The following RAD51B variants were observed in gnomAD, a reference collection of about 807,000 sequenced individuals.
RAD51B encodes the protein DNA repair protein RAD51 homolog 2.
In RAD51B, 38 loss-of-function variants were observed where a neutral mutation model predicts 42.2. The observed-to-expected ratio is 0.90, with a 90% CI of 0.70 to 1.18. RAD51B has a LOEUF of 1.18. Among genes scored for constraint, RAD51B ranks in the 50% most tolerant of loss-of-function variants. The probability of loss-of-function intolerance (pLI) is 0.00; values close to 1 mark genes in which losing one functional copy is unlikely to be tolerated. For missense variants in RAD51B, 373 were observed against 400.7 expected (o/e 0.93, Z 0.59); for synonymous variants, 154 against 145.2 (o/e 1.06, Z -0.43).
At chr14:68,101,849 T>C (rs2077295839) in intron 7 of RAD51B, among the ~76,000 whole-genome samples, 1 of 152,238 alleles carries the variant, frequency 6.6e-6, no homozygotes, top group African/African-American at 2.4e-5. Context: ...ACCCGACATT[T>C]CCCTTCTGCA....
intron 10 of RAD51B, among the ~76,000 whole-genome samples, chr14:68,580,653 G>T (rs1890171248): frequency 6.6e-6 from 1 of 152,138 alleles, no homozygotes; most frequent in Admixed American, 6.5e-5. Context: ...TGCCGTCCTA[G>T]GTGCACACGC....
At chr14:68,009,900 G>GA (rs2075655337) in intron 7 of RAD51B, among the ~76,000 whole-genome samples, 1 of 151,808 alleles carries the variant, frequency 6.6e-6, no homozygotes. Flanking sequence ...ATTCTCATAT[G>GA]TAATAAATTA....
intron 9 of RAD51B, among the ~76,000 whole-genome samples, chr14:68,451,877 T>C (rs2085564687): frequency 6.6e-6 from 1 of 152,214 alleles, no homozygotes; most frequent in African/African-American, 2.4e-5. Context: ...TGGGTTCCTG[T>C]GAGACTAAAG....
At chr14:68,268,162 A>G (rs2081029988) in intron 7 of RAD51B, among the ~76,000 whole-genome samples, 1 of 152,268 alleles carries the variant, frequency 6.6e-6, no homozygotes, top group Admixed American at 6.5e-5. Context: ...TTGTCCTACC[A>G]TTCTGGGAAC....
intron 10 of RAD51B, among the ~76,000 whole-genome samples, chr14:68,601,249 T>G (rs1595015944): frequency 6.6e-6 from 1 of 150,900 alleles, no homozygotes; most frequent in Non-Finnish European, 1.5e-5. Context: ...GGTGGGGGGG[T>G]GGGTCCTGGC....
intron 9 of RAD51B, among the ~76,000 whole-genome samples, chr14:68,425,939 T>C (rs924927467): frequency 1.4e-5 from 1 of 69,134 alleles, no homozygotes; most frequent in South Asian, 5.3e-4. Flanking sequence ...CCATTCTTTT[T>C]CTTTCTTTCT....
chr14:68,612,972 G>C (rs1233257416), downstream of RAD51B, among the ~76,000 whole-genome samples: 2 of 152,038 alleles, frequency 1.3e-5, no homozygotes, highest in Non-Finnish European at 1.5e-5. Context: ...AGAGAGGTGT[G>C]TTTGTGTGTG....
intron 9 of RAD51B, among the ~76,000 whole-genome samples, chr14:68,432,366 T>G (rs1344137744): frequency 6.6e-6 from 1 of 152,186 alleles, no homozygotes; most frequent in Non-Finnish European, 1.5e-5. Context: ...AAGTCTCCCA[T>G]TATTATTGTG....
At chr14:68,163,572 G>T (rs1275519435) in intron 7 of RAD51B, among the ~76,000 whole-genome samples, 2 of 151,776 alleles carry the variant, frequency 1.3e-5, no homozygotes, top group Admixed American at 6.6e-5. Context: ...TTTTTCTTTG[G>T]CCTCTCTTTC....
At chr14:68,392,367 C>G (rs1457725843) in intron 8 of RAD51B, among the ~76,000 whole-genome samples, 4 of 152,106 alleles carry the variant, frequency 2.6e-5, no homozygotes, top group African/African-American at 7.2e-5. Context: ...TGGTGAGGAC[C>G]AAGGCACAGC....
In RAD51B at chr14:68,067,473, A is replaced by C. The variant is rs1431989480; in HGVS notation, c.756+180269A>C. Among the ~76,000 whole-genome samples, 12 of 150,406 alleles carry C rather than the reference A, an allele frequency of 8.0e-5. No individual in the cohort carries two copies. The East Asian group carries it at 1.7e-3, about 22-fold the overall frequency. On this transcript the variant is annotated intron_variant, in intron 7 of 10. Transcript: ENST00000471583. ...AGCAAGACTCCATCTCGGAAAAAAA[A>C]AAACAAAAAAAAAAAAACAGGAAAA...
intron 8 of RAD51B, among the ~76,000 whole-genome samples, chr14:68,299,341 A>G (rs1229749889): frequency 6.6e-6 from 1 of 152,140 alleles, no homozygotes; most frequent in Non-Finnish European, 1.5e-5. Flanking sequence ...TCAACCAACC[A>G]TGAATCAAAA....
chr14:68,584,526 A>G (rs1594998503), intron 10 of RAD51B, among the ~76,000 whole-genome samples: 1 of 151,342 alleles, frequency 6.6e-6, no homozygotes, highest in South Asian at 2.1e-4. Flanking sequence ...ATAGAACCTT[A>G]CCTCCCAATG....
At chr14:68,154,969 T>C (rs193249366) in intron 7 of RAD51B, among the ~76,000 whole-genome samples, 18 of 152,256 alleles carry the variant, frequency 1.2e-4, no homozygotes, top group Admixed American at 9.8e-4. Context: ...AGAGAATTAA[T>C]CTGAGAATTA....
chr14:68,478,940 A>G (rs1882941737), downstream of RAD51B, among the ~76,000 whole-genome samples: 1 of 152,222 alleles, frequency 6.6e-6, no homozygotes, highest in African/African-American at 2.4e-5. Flanking sequence ...AGGAATGGGA[A>G]AAGACTTACA....
intron 8 of RAD51B, among the ~76,000 whole-genome samples, chr14:68,328,877 C>G (rs2082295470): frequency 6.6e-6 from 1 of 152,198 alleles, no homozygotes; most frequent in African/African-American, 2.4e-5. Flanking sequence ...CAAGGAAGAG[C>G]TGAAAGATGG....
intron 7 of RAD51B, among the ~76,000 whole-genome samples, chr14:68,100,868 C>A (rs1442981993): frequency 6.6e-6 from 1 of 152,160 alleles, no homozygotes; most frequent in East Asian, 1.9e-4. Flanking sequence ...CAGATCCTGA[C>A]CACACTATTA....
At chr14:68,317,905 C>T (rs1428245907) in intron 8 of RAD51B, among the ~76,000 whole-genome samples, 1 of 152,188 alleles carries the variant, frequency 6.6e-6, no homozygotes, top group Non-Finnish European at 1.5e-5. Context: ...ATACATATAT[C>T]ACATAGTATA....
chr14:68,356,982 C>CAAA (rs34774624), intron 8 of RAD51B, among the ~76,000 whole-genome samples: 8,006 of 91,438 alleles, frequency 0.088, 674 homozygotes, highest in East Asian at 0.26. Flanking sequence ...GACTCCGTCT[C>CAAA]AAAAAAAAAA....
Sources: allele counts gnomAD v4.1 joint callset (sites outside exome capture counted in the v4.1 genomes callset), GRCh38; gene constraint gnomAD v4.1.1; transcripts MANE v1.5; gene names NCBI Gene and HGNC (gene_info 2026-07-23, HGNC 2026-07-21).